The following RACGAP1 variants were observed in gnomAD, a reference collection of about 807,000 sequenced individuals.
RACGAP1 encodes Rac GTPase activating protein 1.
A neutral mutation model predicts 78.1 loss-of-function variants in RACGAP1; 30 were observed. The ratio of observed to expected loss-of-function variants is 0.38; its 90% CI spans 0.29 to 0.52. RACGAP1 has a LOEUF of 0.52. Ranked by LOEUF, RACGAP1 falls within the 20% of genes least tolerant of loss-of-function variation. The pLI is 0.82. For synonymous variants in RACGAP1, 231 were observed against 264.8 expected, an observed-to-expected ratio of 0.87 and a Z score of 1.24; for missense variants, 587 against 777.1, an observed-to-expected ratio of 0.76 and a Z score of 2.91.
rs138198274 is a variant in RACGAP1, at chr12:50,005,295, T to C, written c.386A>G (p.Asn129Ser). 32 of 1,614,254 alleles carry C rather than the reference T, an allele frequency of 2.0e-5. No individual in the cohort carries two copies. The East Asian group carries it at 2.2e-4, about 11-fold the overall frequency. ...EEQKSALAFL[N>S]RGQPSSSNAG... ...ATTGCTGCTGGATGGTTGGCCTCTG[T>C]TGAGAAAAGCCAGAGCTGATTTTTG... Residue 129 changes from asparagine (N) to serine (S), a missense_variant, in exon 4 of 17, where the codon AAC becomes AGC. Transcript: ENST00000312377.
intron 1 of RACGAP1, among the ~76,000 whole-genome samples, chr12:50,017,558 T>C (rs1949749468): frequency 6.6e-6 from 1 of 152,164 alleles, no homozygotes; most frequent in African/African-American, 2.4e-5. Flanking sequence ...GGGAACACTT[T>C]GAGGAAATAA....
chr12:49,990,094 AGAAG>A lies in RACGAP1; in HGVS notation c.*170_*173del. 1 of 498,818 alleles carries A rather than the reference AGAAG, an allele frequency of 2.0e-6. No individual in the cohort carries two copies. The highest frequency in any genetic ancestry group is 4.1e-5 in the South Asian group (1 of 24,232). The allele number at this position is 498,818 out of a possible 1,614,324, so 30.9% of individuals were successfully genotyped here. A position where few individuals can be genotyped will look rare whatever the true frequency, so the allele number is the denominator to read the frequency against. On this transcript the variant is annotated 3_prime_UTR_variant, in exon 17 of 17. Coordinates refer to ENST00000312377, the MANE Select transcript of RACGAP1 (RefSeq NM_001319999.2). ...AGTGCTGATATTATGTGACTTGAGGAGAAGGAAGGGGAGATATATATAGTTTTAA... is the reference window on the plus strand; with the variant it reads ...AGTGCTGATATTATGTGACTTGAGGAGAAGGGGAGATATATATAGTTTTAA...
chr12:50,014,465 G>A (rs1041749577), intron 2 of RACGAP1, among the ~76,000 whole-genome samples: 6 of 152,198 alleles, frequency 3.9e-5, no homozygotes, highest in African/African-American at 1.4e-4. Context: ...CGGGAGTGCA[G>A]TGGCACAATC....
upstream of RACGAP1, among the ~76,000 whole-genome samples, chr12:50,026,601 G>A (rs1159708964): frequency 6.6e-6 from 1 of 152,086 alleles, no homozygotes; most frequent in East Asian, 1.9e-4. Flanking sequence ...ATTCCACAGT[G>A]TATACATACA....
chr12:50,011,492 C>T (rs948810571), intron 2 of RACGAP1, among the ~76,000 whole-genome samples: 1 of 151,848 alleles, frequency 6.6e-6, no homozygotes, highest in Non-Finnish European at 1.5e-5. Context: ...TTTGGGAGGC[C>T]GAGGTGGGAG....
chr12:50,030,667 C>T (rs1950324331), intron 2 of RACGAP1, among the ~76,000 whole-genome samples: 1 of 151,978 alleles, frequency 6.6e-6, no homozygotes, highest in Non-Finnish European at 1.5e-5. Context: ...CCAGACTGGG[C>T]GACAGAGTGA....
chr12:49,997,426 C>G (rs1037792870), intron 9 of RACGAP1, among the ~76,000 whole-genome samples: 2 of 151,868 alleles, frequency 1.3e-5, no homozygotes, highest in African/African-American at 2.4e-5. Context: ...AGGTGCCCAC[C>G]ACTACGCCCA....
upstream of RACGAP1, among the ~76,000 whole-genome samples, chr12:50,029,269 C>G (rs1412310385): frequency 6.6e-6 from 1 of 150,384 alleles, no homozygotes; most frequent in African/African-American, 2.4e-5. Flanking sequence ...GCCTATAGTC[C>G]CAGCTACTCA....
chr12:50,001,242 C>A lies in RACGAP1; in HGVS notation c.560G>T (p.Ser187Ile), dbSNP rs774613359. The A allele has an allele frequency of 1.2e-6, 2 of 1,609,204 alleles. No homozygotes were observed. Among genetic ancestry groups the A allele is most frequent in the African/African-American group, 1.3e-5 (1 of 74,760 alleles). Residue 187 changes from serine to isoleucine, a missense_variant, in exon 7 of 17, where the codon AGC becomes ATC. Transcript: ENST00000312377. ...LKKREKRRST[S>I]RQFVDGPPGP... ...AGGGGGACCATCAACAAACTGTCGG[C>A]TAGTAGAGCGCTAGAAAGGAGACAA...
At chr12:49,990,819 A>G in intron 15 of RACGAP1, 27 bp from the exon 16 acceptor site, 1 of 1,573,266 alleles carries the variant, frequency 6.4e-7, no homozygotes, top group Non-Finnish European at 8.7e-7. Flanking sequence ...TATTTTTAAG[A>G]GAGGTGGGAA....
intron 8 of RACGAP1, 107 bp from the exon 9 acceptor site, chr12:49,999,378 A>G (rs1337209693): frequency 7.2e-7 from 1 of 1,385,772 alleles, no homozygotes; most frequent in Non-Finnish European, 9.8e-7. Context: ...TATCATAGCC[A>G]AAAGTGAGAA....
At chr12:49,993,529 G>A (rs572024578) in intron 12 of RACGAP1, among the ~76,000 whole-genome samples, 205 of 152,332 alleles carry the variant, frequency 1.3e-3, no homozygotes, top group African/African-American at 4.6e-3. Flanking sequence ...GCTCATGCCT[G>A]TAATCCCAGC....
Position 49,994,139 on chromosome 12 carries a change from T to G in RACGAP1, c.1331A>C (p.Glu444Ala), listed in dbSNP as rs1948092360. Residue 444 changes from glutamate to alanine, a missense_variant, in exon 12 of 17, where the codon GAA becomes GCA. Coordinates refer to ENST00000312377, the MANE Select transcript of RACGAP1 (RefSeq NM_001319999.2). ...LTFRLNRAFM[E>A]AAEITDEDNS... ...ATTACATCTGCCCTTACCTGCTGCTTCCATAAAGGCTCTGTTAAGGCGAAA... is the reference window on the plus strand; with the variant it reads ...ATTACATCTGCCCTTACCTGCTGCTGCCATAAAGGCTCTGTTAAGGCGAAA... 6.2e-7 allele frequency: 1 copy of G among 1,611,942 alleles called. No individual in the cohort carries two copies. The highest frequency in any genetic ancestry group is 2.2e-5 in the East Asian group (1 of 44,896).
chr12:50,031,784 AC>A (rs1950338342), exon 2 of RACGAP1: 1 of 983,522 alleles, frequency 1.0e-6, no homozygotes, highest in African/African-American at 1.8e-5. Flanking sequence ...TCCCTTTCAT[AC>A]TCCTGATTTG....
rs141269646 is a variant in RACGAP1 at position 50,011,640 on chromosome 12, A to G, written c.85+4991T>C. Among the ~76,000 whole-genome samples the G allele has an allele frequency of 7.8e-3, 1,189 of 152,140 alleles. 8 individuals carry two copies. Among genetic ancestry groups the G allele is most frequent in the African/African-American group, 0.027 (1,111 of 41,514 alleles). On this transcript the variant is annotated intron_variant, in intron 2 of 16. Transcript: ENST00000312377. The stretch of plus-strand genomic sequence containing the variant: ...ATAAATAATAAAAATTCAAAATAAA[A>G]TAATCAAAATAAATATAAAAATTAG...
chr12:50,019,724 A>AAATAAATAAATAAATTAATT (rs766196631), intron 1 of RACGAP1: 1 of 149,712 alleles, frequency 6.7e-6, no homozygotes, highest in Non-Finnish European at 1.5e-5. Context: ...ATAAATAAAT[A>AAATAAATAAATAAATTAATT]AAAAGGTCCT....
rs1251980828 is a variant in RACGAP1, at chr12:49,994,198, G to A, written c.1272C>T (p.Asp424=). Residue 424 remains aspartate (D), a synonymous_variant, in exon 12 of 17, where the codon GAC becomes GAT. Transcript: ENST00000312377. ...GAGGTTCTTTGAGGTTTCGAAGAAA[G>A]TCTTTTAGAAGGCTACAGATAGCAT... ...DIHAICSLLK[D]FLRNLKEPLL... is the part of the protein sequence containing the mutation. 1 of 1,614,016 alleles carries A rather than the reference G, an allele frequency of 6.2e-7. No individual in the cohort carries two copies. Among genetic ancestry groups the A allele is most frequent in the Admixed American group, 1.7e-5 (1 of 60,010 alleles).
rs1948084141 is a variant in RACGAP1, at chr12:49,994,040, T to A, written c.1339+91A>T. 3.9e-6 allele frequency: 5 copies of A among 1,269,598 alleles called. No homozygotes were observed. The South Asian group carries it at 7.6e-5, about 19-fold the overall frequency. The allele number at this position is 1,269,598 out of a possible 1,614,324, so 78.6% of individuals were successfully genotyped here. A position where few individuals can be genotyped will look rare whatever the true frequency, so the allele number is the denominator to read the frequency against. On this transcript the variant is annotated intron_variant, in intron 12 of 16. Transcript: ENST00000312377. ...GCCTGGGCGAGAGTGAGACTCTGTC[T>A]AAAAAATAAAAAATAAATAAAAAAA...
chr12:50,024,833 G>T (rs12313492), intron 1 of RACGAP1, among the ~76,000 whole-genome samples: 9,292 of 151,444 alleles, frequency 0.061, 977 homozygotes, highest in African/African-American at 0.21. Context: ...CCCACTTTCC[G>T]ACACACACCT....
Sources: gnomAD v4.1 joint callset for allele counts (sites outside exome capture counted in the v4.1 genomes callset) on GRCh38, gnomAD v4.1.1 for gene constraint, MANE v1.5 for transcripts, NCBI Gene and HGNC (gene_info 2026-07-23, HGNC 2026-07-21) for gene names.